Variants in EPN2 observed in about 807,000 individuals in gnomAD.
EPN2 encodes the protein epsin 2, also known as epsin-2.
A neutral mutation model predicts 61.7 loss-of-function variants in EPN2; 34 were observed. That is an observed-to-expected ratio of 0.55 (90% CI 0.42 to 0.73). The LOEUF (loss-of-function observed/expected upper bound fraction) is 0.73, where lower values mean the gene tolerates loss of function less well. Ranked by LOEUF, EPN2 falls within the 30% of genes least tolerant of loss-of-function variation. EPN2 has a pLI of 0.00. For synonymous variants in EPN2, 349 were observed against 353.6 expected, an observed-to-expected ratio of 0.99 and a Z score of 0.15; for missense variants, 714 against 839.2, an observed-to-expected ratio of 0.85 and a Z score of 1.84.
chr17:19,256,989 T>C (rs1225642121), intron 1 of EPN2, among the ~76,000 whole-genome samples: 1 of 152,026 alleles, frequency 6.6e-6, no homozygotes, highest in Non-Finnish European at 1.5e-5. Context: ...AACAAGAAAT[T>C]ACAAAAGAAA....
intron 1 of EPN2, among the ~76,000 whole-genome samples, chr17:19,244,101 G>A (rs1339335613): frequency 6.6e-6 from 1 of 152,202 alleles, no homozygotes; most frequent in Admixed American, 6.5e-5. Flanking sequence ...CTTGGATGCT[G>A]TTGAAAAAGC....
chr17:19,286,962 C>T (rs1597995599), intron 4 of EPN2, among the ~76,000 whole-genome samples: 1 of 152,174 alleles, frequency 6.6e-6, no homozygotes, highest in African/African-American at 2.4e-5. Flanking sequence ...GCAGGTCCCG[C>T]GGAACTCTCC....
chr17:19,311,613 C>G (rs553665678), intron 5 of EPN2, among the ~76,000 whole-genome samples: 7 of 152,166 alleles, frequency 4.6e-5, no homozygotes, highest in African/African-American at 1.7e-4. Context: ...AAATATGCAG[C>G]CATTTTCCGG....
intron 1 of EPN2, among the ~76,000 whole-genome samples, chr17:19,238,011 G>C (rs1355247120): frequency 1.3e-5 from 2 of 152,082 alleles, no homozygotes; most frequent in East Asian, 3.9e-4. Context: ...CGCCCTCCGG[G>C]AATCGGGGGA....
intron 1 of EPN2, among the ~76,000 whole-genome samples, chr17:19,243,384 A>ATTTTTTTTT (rs1013094131): frequency 1.3e-5 from 1 of 77,266 alleles, no homozygotes; most frequent in Non-Finnish European, 2.2e-5. Flanking sequence ...TGCCTGGCTA[A>ATTTTTTTTT]TTTTTTTTTT....
intron 7 of EPN2, among the ~76,000 whole-genome samples, chr17:19,318,567 A>AAAAAAAAAAAAAAAAAAAAAAAAAG (rs1906499572): frequency 6.8e-6 from 1 of 147,296 alleles, no homozygotes; most frequent in Non-Finnish European, 1.5e-5. Context: ...AAAAAAAAAA[A>AAAAAAAAAAAAAAAAAAAAAAAAAG]GAGTAGGGGG....
chr17:19,247,049 C>T (rs1238912176), intron 1 of EPN2, among the ~76,000 whole-genome samples: 3 of 151,768 alleles, frequency 2.0e-5, no homozygotes, highest in African/African-American at 7.3e-5. Context: ...GGATTACAGG[C>T]GTGAGCCACT....
chr17:19,301,837 C>T (rs574588060), intron 4 of EPN2, among the ~76,000 whole-genome samples: 123 of 152,350 alleles, frequency 8.1e-4, no homozygotes, highest in African/African-American at 2.9e-3. Flanking sequence ...TCTCTCCTTA[C>T]TAGAACACAA....
At chr17:19,288,658 C>T (rs1424645160) in intron 4 of EPN2, among the ~76,000 whole-genome samples, 2 of 151,992 alleles carry the variant, frequency 1.3e-5, no homozygotes. Context: ...GGGGGTGGAG[C>T]GTGGCAGAGG....
intron 7 of EPN2, among the ~76,000 whole-genome samples, chr17:19,327,965 C>G (rs1906964885): frequency 6.6e-6 from 1 of 152,212 alleles, no homozygotes; most frequent in African/African-American, 2.4e-5. Flanking sequence ...ATACACAAAT[C>G]TGTGTCTATA....
At chr17:19,327,772 C>T (rs1446676782) in intron 7 of EPN2, among the ~76,000 whole-genome samples, 1 of 152,000 alleles carries the variant, frequency 6.6e-6, no homozygotes, top group Non-Finnish European at 1.5e-5. Flanking sequence ...CTAAAGGTAT[C>T]CCTACAAGAT....
chr17:19,269,315 G>C (rs1053200568), intron 1 of EPN2, among the ~76,000 whole-genome samples: 1 of 152,170 alleles, frequency 6.6e-6, no homozygotes, highest in Non-Finnish European at 1.5e-5. Context: ...AGGAAAGAGG[G>C]AAGTAATATT....
At chr17:19,243,384 A>ATTTTTT (rs1013094131) in intron 1 of EPN2, among the ~76,000 whole-genome samples, 3 of 77,266 alleles carry the variant, frequency 3.9e-5, no homozygotes, top group African/African-American at 6.6e-5. Flanking sequence ...TGCCTGGCTA[A>ATTTTTT]TTTTTTTTTT....
intron 5 of EPN2, among the ~76,000 whole-genome samples, chr17:19,311,059 A>G (rs532977157): frequency 4.6e-5 from 7 of 152,314 alleles, no homozygotes; most frequent in Non-Finnish European, 8.8e-5. Context: ...CTCTATTAGA[A>G]GTTGGTGTTC....
chr17:19,331,796 A>ACAGTCT, intron 9 of EPN2, 57 bp from the exon 10 acceptor site: 1 of 1,472,476 alleles, frequency 6.8e-7, no homozygotes, highest in African/African-American at 1.4e-5. Flanking sequence ...TGTTAAGTAC[A>ACAGTCT]CAGTCTTAGG....
intron 4 of EPN2, among the ~76,000 whole-genome samples, chr17:19,296,067 G>T (rs917097139): frequency 3.9e-5 from 6 of 152,128 alleles, no homozygotes; most frequent in African/African-American, 1.4e-4. Context: ...CCAGCTTGCA[G>T]TGGGATAACC....
chr17:19,256,434 A>AAG (rs1197248123), intron 1 of EPN2, among the ~76,000 whole-genome samples: 9 of 151,586 alleles, frequency 5.9e-5, no homozygotes, highest in Non-Finnish European at 1.2e-4. Context: ...AAAAAAAAAA[A>AAG]AAAAAAAAGT....
chr17:19,277,155 G>A (rs2045315849), intron 1 of EPN2, among the ~76,000 whole-genome samples: 1 of 152,036 alleles, frequency 6.6e-6, no homozygotes, highest in Admixed American at 6.5e-5. Context: ...CATCTCAGCA[G>A]TTTGGGAGGC....
rs111868245 is a variant in EPN2, at chr17:19,252,267, A to G, written c.-294+14736A>G. 6.9e-4 allele frequency among the ~76,000 whole-genome samples: 105 copies of G among 152,190 alleles called. 1 individual carries two copies. The highest frequency in any genetic ancestry group is 2.4e-3 in the African/African-American group (98 of 41,530). On this transcript the variant is annotated intron_variant, in intron 1 of 10. Transcript: ENST00000314728. ...AGGGGCCTGCATTGAGTGAGTCTAC[A>G]CTGTTGGGCTCAGTGTGGAGCATAC...
Sources: gnomAD v4.1 joint callset for allele counts (sites outside exome capture counted in the v4.1 genomes callset) on GRCh38, gnomAD v4.1.1 for gene constraint, MANE v1.5 for transcripts, NCBI Gene and HGNC (gene_info 2026-07-23, HGNC 2026-07-21) for gene names.